RBL2: variants seen among roughly 807,000 people sequenced by gnomAD.
The protein encoded by RBL2 is retinoblastoma-like protein 2.
Under a neutral mutation model 126.0 loss-of-function variants are expected in RBL2, and 56 were observed. The ratio of observed to expected loss-of-function variants is 0.44; its 90% CI spans 0.36 to 0.56. The LOEUF (loss-of-function observed/expected upper bound fraction) is 0.56, where lower values mean the gene tolerates loss of function less well. Among genes scored for constraint, RBL2 ranks in the 20% least tolerant of loss-of-function variants. The pLI, the probability that RBL2 is intolerant of heterozygous loss-of-function variation, is 0.00. For synonymous variants in RBL2, 454 were observed against 478.5 expected, an observed-to-expected ratio of 0.95 and a Z score of 0.67; for missense variants, 1,229 against 1,398.2, an observed-to-expected ratio of 0.88 and a Z score of 1.93.
chr16:53,464,226 G>A lies in RBL2; in HGVS notation c.1561G>A (p.Gly521Ser). 1 of 1,557,644 alleles carries A rather than the reference G, an allele frequency of 6.4e-7. No homozygotes were observed. The highest frequency in any genetic ancestry group is 8.7e-7 in the Non-Finnish European group (1 of 1,152,636). Residue 521 changes from glycine to serine, a missense_variant and splice_region_variant, in exon 12 of 22, where the codon GGT (glycine) becomes AGT (serine). By Grantham distance (56) the Gly-to-Ser change is moderately conservative. Transcript: ENST00000262133. ...TAATGCTAATAACTTTATTTTATAG[G>A]GTATTCTGGAACAAGATGCGTTCCA... ...QKRLGDMDLSGILEQDAFHRS... is the reference protein window; with the variant it reads ...QKRLGDMDLSSILEQDAFHRS...
Position 53,459,486 on chromosome 16 carries a change from T to A in RBL2, c.1215T>A (p.Gly405=). ...KALRISTPLT[G]VRYIKENSPC... Reference sequence around the variant, plus strand: ...TTAGAATCTCCACACCACTAACTGGTGTTAGGTACATTAAGGAGAATAGCC... The same window carrying A: ...TTAGAATCTCCACACCACTAACTGGAGTTAGGTACATTAAGGAGAATAGCC... Residue 405 remains glycine, a synonymous_variant, in exon 9 of 22, where the codon GGT becomes GGA. Transcript: ENST00000262133. 1 of 1,613,280 alleles carries A rather than the reference T, an allele frequency of 6.2e-7. No homozygotes were observed. Among genetic ancestry groups the A allele is most frequent in the Non-Finnish European group, 8.5e-7 (1 of 1,179,632 alleles).
chr16:53,449,267 T>C (rs573964363), intron 4 of RBL2: 1 of 152,216 alleles, frequency 6.6e-6, no homozygotes, highest in Non-Finnish European at 1.5e-5. Context: ...ATATGTGTAC[T>C]TAGAAGTAAA....
At chr16:53,435,838 C>A in intron 1 of RBL2, 1 of 1,093,700 alleles carries the variant, frequency 9.1e-7, no homozygotes, top group Non-Finnish European at 1.2e-6. Context: ...AATTCAATTA[C>A]TAGTTCCCTC....
At chr16:53,439,665 T>C (rs1424808751) in intron 2 of RBL2, among the ~76,000 whole-genome samples, 1 of 152,176 alleles carries the variant, frequency 6.6e-6, no homozygotes, top group Non-Finnish European at 1.5e-5. Context: ...TGTTGTGTAA[T>C]TAAATTGATT....
chr16:53,489,300 A>G (rs1187653940), intron 21 of RBL2: 1 of 152,228 alleles, frequency 6.6e-6, no homozygotes, highest in Admixed American at 6.5e-5. Context: ...GTGAGGATGC[A>G]TTATGCTTCT....
rs766367928 is a variant in RBL2, at chr16:53,490,562, T to C, written c.*262T>C. 4.2e-5 allele frequency: 14 copies of C among 329,466 alleles called. No individual in the cohort carries two copies. Among genetic ancestry groups the C allele is most frequent in the Non-Finnish European group, 6.0e-5 (11 of 182,682 alleles). The allele number at this position is 329,466 out of a possible 1,614,324, so 20.4% of individuals were successfully genotyped here. On this transcript the variant is annotated 3_prime_UTR_variant, in exon 22 of 22. Coordinates refer to ENST00000262133, the MANE Select transcript of RBL2 (RefSeq NM_005611.4). Reference sequence around the variant, plus strand: ...GAATCCAAACTTGGATTTTTGACTCTGGCAAAGCTTTTAGAAATACTGCAA... The same window carrying C: ...GAATCCAAACTTGGATTTTTGACTCCGGCAAAGCTTTTAGAAATACTGCAA...
chr16:53,445,970 T>G (rs1287300232), intron 3 of RBL2: 1 of 152,186 alleles, frequency 6.6e-6, no homozygotes, highest in African/African-American at 2.4e-5. Context: ...TCTTGAAAGA[T>G]GGGTACGAGT....
chr16:53,473,621 A>T (rs1960605447), intron 17 of RBL2, among the ~76,000 whole-genome samples: 1 of 151,790 alleles, frequency 6.6e-6, no homozygotes, highest in Non-Finnish European at 1.5e-5. Context: ...TTCTTGTCCA[A>T]ACTGGATGCC....
chr16:53,488,648 A>G (rs1487401739), intron 21 of RBL2: 2 of 152,234 alleles, frequency 1.3e-5, no homozygotes, highest in Non-Finnish European at 2.9e-5. Flanking sequence ...TTAGACTACT[A>G]TGAGAAAATA....
In RBL2 at chr16:53,465,844, T is replaced by C. The variant is rs928703832; in HGVS notation, c.1863+242T>C. 9.7e-6 allele frequency: 3 copies of C among 310,244 alleles called. No individual in the cohort carries two copies. The Admixed American group carries it at 1.5e-4, about 16-fold the overall frequency. 19.2% of individuals were successfully genotyped at this position (310,244 alleles called of 1,614,324 possible). A position where few individuals can be genotyped will look rare whatever the true frequency, so the allele number is the denominator to read the frequency against. ...GATAACGTTTATTAAGACTTACATA[T>C]GGAGGAGGCAGAGGTGGTGGGGAAA... On this transcript the variant is annotated intron_variant, in intron 13 of 21. Coordinates refer to ENST00000262133, the MANE Select transcript of RBL2 (RefSeq NM_005611.4).
chr16:53,470,852 A>C lies in RBL2; in HGVS notation c.2633A>C (p.Gln878Pro). The C allele has an allele frequency of 6.2e-7, 1 of 1,614,164 alleles. No homozygotes were observed. The highest frequency in any genetic ancestry group is 8.5e-7 in the Non-Finnish European group (1 of 1,179,990). The change falls in exon 17 of 22, where the codon CAG becomes CCG. Residue 878 changes from glutamine (Q) to proline (P), a missense_variant. Around this residue, in one of 2 missense-constraint regions of RBL2, gnomAD observed 1,070 missense variants for 1,274.3 expected, o/e 0.84. Coordinates refer to ENST00000262133, the MANE Select transcript of RBL2 (RefSeq NM_005611.4). ...ACCTGCTTTGAATTCTCCATAATTC[A>C]GTGTCCTGAACTTATGATGGACAGA... ...IWTCFEFSII[Q>P]CPELMMDRHL...
chr16:53,447,264 C>T (rs1458306552), intron 4 of RBL2, among the ~76,000 whole-genome samples, 158 bp downstream of exon 4: 1 of 151,942 alleles, frequency 6.6e-6, no homozygotes, highest in Admixed American at 6.6e-5. Context: ...GCCTTTTCAT[C>T]AAAGGATCTA....
chr16:53,470,127 C>T lies in RBL2; in HGVS notation c.2187C>T (p.Thr729=), dbSNP rs774110885. The change falls in exon 15 of 22, where the codon ACC becomes ACT. Residue 729 remains threonine (T), a synonymous_variant. Coordinates refer to ENST00000262133, the MANE Select transcript of RBL2 (RefSeq NM_005611.4). ...VTPVPGQTLV[T]MATATVTANN... Reference sequence around the variant, plus strand: ...CAGTTCCTGGACAGACTTTGGTCACCATGGCAACCGCCACTGTCACAGCCA... The same window carrying T: ...CAGTTCCTGGACAGACTTTGGTCACTATGGCAACCGCCACTGTCACAGCCA... 6.2e-7 allele frequency: 1 copy of T among 1,611,508 alleles called. No homozygotes were observed. The highest frequency in any genetic ancestry group is 8.5e-7 in the Non-Finnish European group (1 of 1,177,868).
intron 8 of RBL2, among the ~76,000 whole-genome samples, chr16:53,455,564 G>A (rs1013031842): frequency 2.6e-5 from 4 of 152,312 alleles, no homozygotes; most frequent in Non-Finnish European, 5.9e-5. Flanking sequence ...CCAGTGTGGG[G>A]AGATGGACAG....
At chr16:53,467,931 C>T (rs1052680257) in intron 14 of RBL2, among the ~76,000 whole-genome samples, 2 of 152,134 alleles carry the variant, frequency 1.3e-5, no homozygotes, top group Non-Finnish European at 2.9e-5. Flanking sequence ...GTTAAGACAA[C>T]TGAGTATGTT....
intron 8 of RBL2, among the ~76,000 whole-genome samples, chr16:53,457,014 T>C (rs2058173729): frequency 6.6e-6 from 1 of 152,074 alleles, no homozygotes; most frequent in South Asian, 2.1e-4. Context: ...ATGCAGCGCT[T>C]GGCACATAGT....
chr16:53,435,636 CTG>C (rs574818291), intron 1 of RBL2: 11 of 1,284,112 alleles, frequency 8.6e-6, no homozygotes, highest in East Asian at 5.6e-5. Flanking sequence ...AGCTGTTTGA[CTG>C]TGTGTGTGGC....
In RBL2 at chr16:53,482,043, A is replaced by G. The variant is rs1018842700; in HGVS notation, c.3249+208A>G. On this transcript the variant is annotated intron_variant, in intron 21 of 21. Transcript: ENST00000262133. ...GGGGTGGAATTTTAGGGTGGGAAAC[A>G]GGGTAAGGGATTTGGATTTCTTTTT... Among the ~76,000 whole-genome samples, 6 of 152,102 alleles carry G rather than the reference A, an allele frequency of 3.9e-5. No individual in the cohort carries two copies. The East Asian group carries it at 5.8e-4, about 15-fold the overall frequency.
At chr16:53,489,337 A>G (rs751394027) in intron 21 of RBL2, 5 of 152,232 alleles carry the variant, frequency 3.3e-5, no homozygotes, top group Non-Finnish European at 7.3e-5. Flanking sequence ...ACAATTTCCT[A>G]TAATAGATAT....
Sources: allele counts gnomAD v4.1 joint callset (sites outside exome capture counted in the v4.1 genomes callset), GRCh38; gene constraint gnomAD v4.1.1; regional missense constraint gnomAD v4.1.1; transcripts MANE v1.5; gene names NCBI Gene and HGNC (gene_info 2026-07-23, HGNC 2026-07-21).